Variants in EPHA5 observed in about 807,000 individuals in gnomAD.
EPHA5 encodes ephrin type-A receptor 5.
Under a neutral mutation model 105.0 loss-of-function variants are expected in EPHA5, and 60 were observed. The ratio of observed to expected loss-of-function variants is 0.57; its 90% CI spans 0.46 to 0.71. The LOEUF is 0.71. EPHA5 is among the 30% of genes least tolerant of loss of function. EPHA5 has a pLI of 0.00. For synonymous variants in EPHA5, 513 were observed against 449.1 expected (o/e 1.14, Z -1.80); for missense variants, 1,218 against 1,274.7 (o/e 0.96, Z 0.68).
intron 5 of EPHA5, among the ~76,000 whole-genome samples, chr4:65,465,523 G>GAAAGAAAGAAAGAAAGA (rs1560567305): frequency 3.5e-5 from 3 of 86,518 alleles, no homozygotes; most frequent in Non-Finnish European, 7.1e-5. Context: ...AAGAAAGAAA[G>GAAAGAAAGAAAGAAAGA]AAAGAAAAGA....
chr4:65,641,325 T>C lies in EPHA5; in HGVS notation c.246+2038A>G, dbSNP rs369352244. ...TCATTTTTCTTAAATAAGCATGCCCTATATTGCTCCAAGATGTTGTTTGAA... is the reference window on the plus strand; with the variant it reads ...TCATTTTTCTTAAATAAGCATGCCCCATATTGCTCCAAGATGTTGTTTGAA... On this transcript the variant is annotated intron_variant, in intron 2 of 16. Transcript: ENST00000613740. Among the ~76,000 whole-genome samples, 19 of 152,296 alleles carry C rather than the reference T, an allele frequency of 1.2e-4. 1 individual carries two copies. The highest frequency in any genetic ancestry group is 4.6e-4 in the African/African-American group (19 of 41,576).
chr4:65,496,756 G>C (rs868019745), intron 3 of EPHA5, among the ~76,000 whole-genome samples: 20 of 152,208 alleles, frequency 1.3e-4, no homozygotes, highest in Middle Eastern at 3.4e-3. Flanking sequence ...GTAATGGGAT[G>C]GCTTATGTCT....
At chr4:65,403,066 A>C (rs930630532) in intron 8 of EPHA5, among the ~76,000 whole-genome samples, 1 of 152,216 alleles carries the variant, frequency 6.6e-6, no homozygotes, top group Admixed American at 6.5e-5. Flanking sequence ...CTAACATTAA[A>C]AGTAAGCAAT....
rs116688814 is a variant in EPHA5 at position 65,354,009 on chromosome 4, A to G, written c.2174-906T>C. Reference sequence around the variant, plus strand: ...CAGACTCTAGAGCCATACTTCTTGGATTTTCATCCCAGAGCAATCACTTAT... The same window carrying G: ...CAGACTCTAGAGCCATACTTCTTGGGTTTTCATCCCAGAGCAATCACTTAT... On this transcript the variant is annotated intron_variant, in intron 11 of 16. Transcript: ENST00000613740. 6.6e-3 allele frequency among the ~76,000 whole-genome samples: 1,000 copies of G among 151,748 alleles called. 3 individuals carry two copies. The highest frequency in any genetic ancestry group is 0.014 in the South Asian group (68 of 4,822).
intron 3 of EPHA5, among the ~76,000 whole-genome samples, chr4:65,596,418 G>T (rs1743191196): frequency 6.6e-6 from 1 of 151,606 alleles, no homozygotes; most frequent in Non-Finnish European, 1.5e-5. Context: ...ATAATTATCT[G>T]GCCCAAAATA....
At chr4:65,535,533 A>G (rs1736209237) in intron 3 of EPHA5, among the ~76,000 whole-genome samples, 1 of 152,084 alleles carries the variant, frequency 6.6e-6, no homozygotes, top group African/African-American at 2.4e-5. Flanking sequence ...CCTCTTTCCC[A>G]TCCCATCAGT....
chr4:65,651,682 A>G (rs755049439), intron 1 of EPHA5, among the ~76,000 whole-genome samples: 1 of 152,156 alleles, frequency 6.6e-6, no homozygotes, highest in African/African-American at 2.4e-5. Flanking sequence ...AGTATTTTTC[A>G]TCACCACAAA....
At chr4:65,469,066 G>A (rs894291462) in intron 5 of EPHA5, among the ~76,000 whole-genome samples, 7 of 152,072 alleles carry the variant, frequency 4.6e-5, no homozygotes, top group African/African-American at 9.7e-5. Flanking sequence ...AACGGAGGAA[G>A]AGAAGTTTCC....
At chr4:65,630,639 C>T (rs2149490849) in intron 2 of EPHA5, among the ~76,000 whole-genome samples, 1 of 152,232 alleles carries the variant, frequency 6.6e-6, no homozygotes, top group African/African-American at 2.4e-5. Context: ...ATTTCCACTC[C>T]TGCTCTAACA....
At position 65,525,137 on chromosome 4, in the gene EPHA5, T is replaced by C. The variant is rs573673065; in HGVS notation, c.911-29594A>G. ...CAGATATATTAAAACTTATAATTCT[T>C]CAATTTTCCATCTACTGAAAGATTA... On this transcript the variant is annotated intron_variant, in intron 3 of 16. Coordinates refer to ENST00000613740, the MANE Select transcript of EPHA5 (RefSeq NM_001281766.3). 9.9e-5 allele frequency among the ~76,000 whole-genome samples: 15 copies of C among 151,848 alleles called. 1 individual carries two copies. The South Asian group carries it at 3.1e-3, about 31-fold the overall frequency.
At position 65,319,910 on chromosome 4, in the gene EPHA5, T is replaced by C. The variant is rs1330655446; in HGVS notation, c.*4204A>G. The C allele has an allele frequency of 4.3e-6, 1 of 230,104 alleles. No individual in the cohort carries two copies. Among genetic ancestry groups the C allele is most frequent in the East Asian group, 6.1e-5 (1 of 16,276 alleles). 14.3% of individuals were successfully genotyped at this position (230,104 alleles called of 1,614,324 possible). A position where few individuals can be genotyped will look rare whatever the true frequency, so the allele number is the denominator to read the frequency against. ...CTACAGCAGCCTAAAGAGTCATAGA[T>C]ATGTTGACCACTGAAACTTCTACTG... On this transcript the variant is annotated 3_prime_UTR_variant, in exon 17 of 17. Coordinates refer to ENST00000613740, the MANE Select transcript of EPHA5 (RefSeq NM_001281766.3).
intron 15 of EPHA5, among the ~76,000 whole-genome samples, chr4:65,332,617 GT>G (rs1254120028): frequency 2.6e-5 from 4 of 151,088 alleles, no homozygotes; most frequent in African/African-American, 7.3e-5. Context: ...TAATGGGGTG[GT>G]GGGGGGTGGG....
chr4:65,483,642 A>T (rs558254572), intron 5 of EPHA5, among the ~76,000 whole-genome samples: 7 of 152,336 alleles, frequency 4.6e-5, no homozygotes, highest in Admixed American at 4.6e-4. Flanking sequence ...CACCAAAAAA[A>T]ATTTGCGTAA....
chr4:65,579,087 T>C (rs971667930), intron 3 of EPHA5, among the ~76,000 whole-genome samples: 1 of 151,952 alleles, frequency 6.6e-6, no homozygotes, highest in African/African-American at 2.4e-5. Context: ...AGATTACTTT[T>C]ATAGCCAGCA....
rs549848832 is a variant in EPHA5 at position 65,414,881 on chromosome 4, A to C, written c.1528-438T>G. 8.5e-4 allele frequency among the ~76,000 whole-genome samples: 129 copies of C among 152,338 alleles called. 1 individual carries two copies. The highest frequency in any genetic ancestry group is 1.7e-3 in the Non-Finnish European group (113 of 68,024). ...TTCTGTGAGGTAAGACTTATGCTTT[A>C]ACTCATTAGTGAATTCAATTTCTAA... On this transcript the variant is annotated intron_variant, in intron 6 of 16. Coordinates refer to ENST00000613740, the MANE Select transcript of EPHA5 (RefSeq NM_001281766.3).
chr4:65,608,912 T>TA, intron 2 of EPHA5, among the ~76,000 whole-genome samples: 1 of 152,292 alleles, frequency 6.6e-6, no homozygotes, highest in Admixed American at 6.5e-5. Flanking sequence ...TTACTATGCA[T>TA]AAAATATAAG....
intron 8 of EPHA5, among the ~76,000 whole-genome samples, chr4:65,404,026 G>T (rs1560500212): frequency 6.6e-6 from 1 of 152,010 alleles, no homozygotes; most frequent in Non-Finnish European, 1.5e-5. Flanking sequence ...TTTCCCAAAT[G>T]CTAATTAAAC....
intron 5 of EPHA5, among the ~76,000 whole-genome samples, chr4:65,475,000 G>C (rs1222576968): frequency 1.3e-5 from 2 of 152,060 alleles, no homozygotes; most frequent in Admixed American, 1.3e-4. Flanking sequence ...GTGGATTTGA[G>C]TAAATGCTTT....
At chr4:65,325,883 C>G (rs75441653) in intron 16 of EPHA5, among the ~76,000 whole-genome samples, 14,179 of 150,896 alleles carry the variant, frequency 0.094, 759 homozygotes, top group Non-Finnish European at 0.11. Context: ...CATCCTTGGC[C>G]TCTGCCCACT....
Sources: allele counts gnomAD v4.1 joint callset (sites outside exome capture counted in the v4.1 genomes callset), GRCh38; gene constraint gnomAD v4.1.1; transcripts MANE v1.5; gene names NCBI Gene and HGNC (gene_info 2026-07-23, HGNC 2026-07-21).